Variants in OPCML observed in about 807,000 individuals in gnomAD.
OPCML encodes the protein opioid binding protein/cell adhesion molecule like.
A neutral mutation model predicts 37.8 loss-of-function variants in OPCML; 13 were observed. That is an observed-to-expected ratio of 0.34 (90% CI 0.22 to 0.55). The LOEUF (loss-of-function observed/expected upper bound fraction) is 0.55. Among genes scored for constraint, OPCML ranks in the 20% least tolerant of loss-of-function variants. The pLI is 0.91. For missense variants in OPCML, 341 were observed against 435.6 expected (o/e 0.78, Z 1.93); for synonymous variants, 176 against 168.8 (o/e 1.04, Z -0.33).
intron 1 of OPCML, among the ~76,000 whole-genome samples, chr11:133,519,572 G>A (rs980057992): frequency 2.0e-5 from 3 of 152,072 alleles, no homozygotes; most frequent in African/African-American, 7.2e-5. Context: ...TTTACCAGGG[G>A]AAAAAAAGCT....
Position 133,133,821 on chromosome 11 carries a change from C to T in OPCML, c.62-190811G>A, listed in dbSNP as rs1343232015. 2.0e-5 allele frequency among the ~76,000 whole-genome samples: 3 copies of T among 152,042 alleles called. No individual in the cohort carries two copies. The East Asian group carries it at 5.8e-4, about 29-fold the overall frequency. Reference sequence around the variant, plus strand: ...ATGTCACTAGGCTTTTTGCATAAGCCCAAGTAAAGCAGAACTCATTCATTC... The same window carrying T: ...ATGTCACTAGGCTTTTTGCATAAGCTCAAGTAAAGCAGAACTCATTCATTC... On this transcript the variant is annotated intron_variant, in intron 1 of 7. Coordinates refer to ENST00000524381, the MANE Select transcript of OPCML (RefSeq NM_001012393.5).
intron 2 of OPCML, among the ~76,000 whole-genome samples, chr11:132,778,968 T>C (rs1010785721): frequency 2.1e-5 from 3 of 143,522 alleles, no homozygotes; most frequent in Admixed American, 6.9e-5. Flanking sequence ...TTTCTTTTTT[T>C]TTTTTTTTTT....
intron 2 of OPCML, among the ~76,000 whole-genome samples, chr11:132,907,165 C>G (rs1027673986): frequency 3.9e-5 from 6 of 152,146 alleles, no homozygotes; most frequent in African/African-American, 1.4e-4. Context: ...TGACTCCCAA[C>G]AGGGGGCCGC....
intron 1 of OPCML, among the ~76,000 whole-genome samples, chr11:133,330,049 G>T (rs1426197818): frequency 3.9e-5 from 6 of 152,144 alleles, no homozygotes; most frequent in Admixed American, 2.0e-4. Flanking sequence ...CTTCTCAAAA[G>T]AAGACATTTA....
At chr11:132,815,633 C>T (rs1489990426) in intron 2 of OPCML, among the ~76,000 whole-genome samples, 1 of 152,106 alleles carries the variant, frequency 6.6e-6, no homozygotes, top group Non-Finnish European at 1.5e-5. Context: ...AGTACTCTTT[C>T]CAGTAGGTTA....
chr11:133,357,398 G>GA lies in OPCML; in HGVS notation c.61+174865dup, dbSNP rs141753462. On this transcript the variant is annotated intron_variant, in intron 1 of 7. Transcript: ENST00000524381. ...GTGGAACGTACATGGCACTATGTTT[G>GA]ACATAAACATGTGGATGATAAGCTA... 3.7e-3 allele frequency among the ~76,000 whole-genome samples: 558 copies of GA among 152,308 alleles called. 5 individuals are homozygous for GA. Among genetic ancestry groups the GA allele is most frequent in the Non-Finnish European group, 5.6e-3 (379 of 68,032 alleles).
intron 2 of OPCML, among the ~76,000 whole-genome samples, chr11:132,815,367 G>A (rs933167063): frequency 2.6e-5 from 4 of 152,194 alleles, no homozygotes; most frequent in Admixed American, 6.5e-5. Flanking sequence ...AAGTACGTGA[G>A]GATGGGAAGG....
At chr11:133,270,957 C>T (rs999119329) in intron 1 of OPCML, among the ~76,000 whole-genome samples, 4 of 152,070 alleles carry the variant, frequency 2.6e-5, no homozygotes, top group Admixed American at 6.5e-5. Context: ...ACTGTGTCCT[C>T]GTTAAGGTCT....
At chr11:132,528,953 C>A in intron 4 of OPCML, 108 bp downstream of exon 4, 1 of 648,764 alleles carries the variant, frequency 1.5e-6, no homozygotes, top group Non-Finnish European at 2.7e-6. Flanking sequence ...GTTTGATTTT[C>A]TATGACTGGA....
At chr11:133,339,748 C>T (rs1943821774) in intron 1 of OPCML, among the ~76,000 whole-genome samples, 1 of 152,142 alleles carries the variant, frequency 6.6e-6, no homozygotes. Context: ...TCCTGTTGTT[C>T]TAGGTCCATG....
At chr11:133,230,146 A>C (rs1399760658) in intron 1 of OPCML, among the ~76,000 whole-genome samples, 1 of 152,244 alleles carries the variant, frequency 6.6e-6, no homozygotes, top group African/African-American at 2.4e-5. Flanking sequence ...CCAAGGACAC[A>C]GTTAGCTGCT....
chr11:133,080,661 T>C (rs61910339), intron 1 of OPCML, among the ~76,000 whole-genome samples: 1 of 151,966 alleles, frequency 6.6e-6, no homozygotes, highest in Non-Finnish European at 1.5e-5. Flanking sequence ...AAACCCACTG[T>C]GCCCGTTTAT....
At chr11:133,365,568 C>T (rs568976773) in intron 1 of OPCML, 9 of 152,238 alleles carry the variant, frequency 5.9e-5, no homozygotes, top group African/African-American at 1.9e-4. Flanking sequence ...GAGTTCAACA[C>T]GGGAATAGGG....
intron 3 of OPCML, among the ~76,000 whole-genome samples, chr11:132,545,283 A>G (rs1473484856): frequency 6.6e-6 from 1 of 152,142 alleles, no homozygotes; most frequent in East Asian, 1.9e-4. Flanking sequence ...TTCATTTATT[A>G]TTATGAGGAA....
chr11:133,525,823 C>T (rs1000292724), intron 1 of OPCML, among the ~76,000 whole-genome samples: 3 of 152,188 alleles, frequency 2.0e-5, no homozygotes, highest in Non-Finnish European at 2.9e-5. Context: ...TGTCACTTAT[C>T]GTTTCCCATG....
chr11:133,081,822 G>A (rs1948722086), intron 1 of OPCML, among the ~76,000 whole-genome samples: 2 of 152,074 alleles, frequency 1.3e-5, no homozygotes, highest in African/African-American at 4.8e-5. Flanking sequence ...CAGGTGAAGC[G>A]CTGGCAGCGC....
At chr11:133,340,960 G>A (rs377248197) in intron 1 of OPCML, among the ~76,000 whole-genome samples, 3 of 151,962 alleles carry the variant, frequency 2.0e-5, no homozygotes, top group Non-Finnish European at 2.9e-5. Flanking sequence ...AAAAAGATGC[G>A]ACCCTGACAC....
chr11:133,490,253 C>T (rs1336872713), intron 1 of OPCML, among the ~76,000 whole-genome samples: 2 of 152,132 alleles, frequency 1.3e-5, no homozygotes, highest in Non-Finnish European at 2.9e-5. Flanking sequence ...AACAGGAACC[C>T]ACCTTTCTGA....
intron 2 of OPCML, among the ~76,000 whole-genome samples, chr11:132,929,116 T>C (rs1945099319): frequency 6.7e-6 from 1 of 149,572 alleles, no homozygotes; most frequent in African/African-American, 2.5e-5. Flanking sequence ...ATAGGAGAGA[T>C]AAACAAAATA....
Sources: gnomAD v4.1 joint callset for allele counts (sites outside exome capture counted in the v4.1 genomes callset) on GRCh38, gnomAD v4.1.1 for gene constraint, MANE v1.5 for transcripts, NCBI Gene and HGNC (gene_info 2026-07-23, HGNC 2026-07-21) for gene names.